Variants in BCAR3 observed in about 807,000 individuals in gnomAD.
The protein encoded by BCAR3 is BCAR3 adaptor protein, NSP family member, also known as breast cancer anti-estrogen resistance protein 3.
A neutral mutation model predicts 80.1 loss-of-function variants in BCAR3; 37 were observed. That is an observed-to-expected ratio of 0.46 (90% CI 0.36 to 0.61). The LOEUF (loss-of-function observed/expected upper bound fraction) is 0.61, where lower values mean the gene tolerates loss of function less well. Ranked by LOEUF, BCAR3 falls within the 20% of genes least tolerant of loss-of-function variation. BCAR3 has a pLI of 0.00. For synonymous variants in BCAR3, 389 were observed against 418.9 expected, an observed-to-expected ratio of 0.93 and a Z score of 0.87; for missense variants, 978 against 1,068.2, an observed-to-expected ratio of 0.92 and a Z score of 1.18.
chr1:93,715,860 T>C (rs529554696), intron 2 of BCAR3, among the ~76,000 whole-genome samples: 1 of 152,188 alleles, frequency 6.6e-6, no homozygotes, highest in Admixed American at 6.5e-5. Flanking sequence ...TTGCCCTTTT[T>C]CAATTTCTGT....
chr1:93,784,293 A>T (rs1652867884), intron 2 of BCAR3, among the ~76,000 whole-genome samples: 2 of 152,190 alleles, frequency 1.3e-5, no homozygotes, highest in African/African-American at 4.8e-5. Flanking sequence ...TCTAATGAAC[A>T]GTAAGGGAAT....
At chr1:93,737,798 G>A (rs995435173) in intron 2 of BCAR3, among the ~76,000 whole-genome samples, 5 of 152,066 alleles carry the variant, frequency 3.3e-5, no homozygotes, top group Admixed American at 1.3e-4. Context: ...TGTTTGGGTG[G>A]TCAATGATGA....
At chr1:93,766,062 G>A (rs1257208515) in intron 2 of BCAR3, among the ~76,000 whole-genome samples, 1 of 152,144 alleles carries the variant, frequency 6.6e-6, no homozygotes, top group East Asian at 1.9e-4. Context: ...CGGAAACTTT[G>A]TACCCTTTGA....
intron 2 of BCAR3, among the ~76,000 whole-genome samples, chr1:93,734,187 T>C (rs1033897382): frequency 2.0e-5 from 3 of 152,228 alleles, no homozygotes; most frequent in East Asian, 3.9e-4. Flanking sequence ...TATGCAAGAG[T>C]ACTGACATGA....
chr1:93,591,808 G>C (rs1674210387), intron 4 of BCAR3, among the ~76,000 whole-genome samples: 1 of 152,186 alleles, frequency 6.6e-6, no homozygotes, highest in Non-Finnish European at 1.5e-5. Context: ...ATAACTGCCA[G>C]CTCAATGGGG....
chr1:93,604,648 G>T (rs1031344709), intron 3 of BCAR3, among the ~76,000 whole-genome samples: 1 of 152,150 alleles, frequency 6.6e-6, no homozygotes, highest in Non-Finnish European at 1.5e-5. Flanking sequence ...CATTCTCTGG[G>T]CAAGGTCTCT....
At chr1:93,783,001 C>T (rs754804149) in intron 2 of BCAR3, among the ~76,000 whole-genome samples, 1 of 152,126 alleles carries the variant, frequency 6.6e-6, no homozygotes, top group Non-Finnish European at 1.5e-5. Context: ...ACAAAGCACA[C>T]AAATGTGCAT....
At chr1:93,687,121 C>T (rs1309813036) in intron 3 of BCAR3, among the ~76,000 whole-genome samples, 1 of 152,118 alleles carries the variant, frequency 6.6e-6, no homozygotes, top group Non-Finnish European at 1.5e-5. Flanking sequence ...TGGGGCCTGG[C>T]ACTCAGTACT....
In BCAR3 at chr1:93,584,009, G is replaced by A; in HGVS notation, c.1033+9C>T. ...CTGACGTTCTCCCTGAAAATTCCCC[G>A]AAACATACCAATCGGCAGGTAGCTC... On this transcript the variant is annotated intron_variant, in intron 6 of 11. Transcript: ENST00000260502. 2 of 1,612,974 alleles carry A rather than the reference G, an allele frequency of 1.2e-6. No homozygotes were observed. The highest frequency in any genetic ancestry group is 1.7e-6 in the Non-Finnish European group (2 of 1,179,152).
chr1:93,638,869 TGAGGA>T (rs1570995137), intron 3 of BCAR3, among the ~76,000 whole-genome samples: 1 of 152,056 alleles, frequency 6.6e-6, no homozygotes, highest in Non-Finnish European at 1.5e-5. Flanking sequence ...GAAAAAATTG[TGAGGA>T]GAGAAGGTTA....
At chr1:93,648,028 C>T (rs1270700109) in intron 2 of BCAR3, among the ~76,000 whole-genome samples, 2 of 152,158 alleles carry the variant, frequency 1.3e-5, no homozygotes, top group Admixed American at 6.5e-5. Context: ...CCCACCTCGG[C>T]CTCCCAAAGT....
chr1:93,670,195 T>C (rs1330502925), intron 2 of BCAR3, among the ~76,000 whole-genome samples: 3 of 152,214 alleles, frequency 2.0e-5, no homozygotes, highest in East Asian at 3.8e-4. Flanking sequence ...TGCAGACCTC[T>C]CAGAGAAACC....
chr1:93,629,641 G>C (rs1675549348), intron 3 of BCAR3, among the ~76,000 whole-genome samples: 1 of 152,184 alleles, frequency 6.6e-6, no homozygotes, highest in Non-Finnish European at 1.5e-5. Flanking sequence ...CTGAACTGTT[G>C]TGACACTGAT....
rs376517274 is a variant in BCAR3 at position 93,770,175 on chromosome 1, G to A, written c.-62-64033C>T. On this transcript the variant is annotated intron_variant, in intron 2 of 13. Coordinates refer to the BCAR3 transcript ENST00000370244. ...GGAGATCAATCCCAAGTCCTTGGTC[G>A]AGAAGATTTTAAGTTGAAACAGCAA... Among the ~76,000 whole-genome samples the A allele has an allele frequency of 2.8e-4, 42 of 152,268 alleles. 3 individuals carry two copies. Among genetic ancestry groups the A allele is most frequent in the Admixed American group, 1.2e-3 (19 of 15,292 alleles).
intron 5 of BCAR3, 135 bp downstream of exon 5, chr1:93,588,842 C>T (rs1181496846): frequency 3.0e-6 from 3 of 992,760 alleles, no homozygotes; most frequent in African/African-American, 1.6e-5. Flanking sequence ...TGCCTCGTGA[C>T]AGCTATTCTG....
intron 2 of BCAR3, among the ~76,000 whole-genome samples, chr1:93,650,470 G>A (rs1676288122): frequency 6.6e-6 from 1 of 152,114 alleles, no homozygotes; most frequent in African/African-American, 2.4e-5. Flanking sequence ...CAGACTACCT[G>A]GTTTCAAATA....
intron 2 of BCAR3, among the ~76,000 whole-genome samples, chr1:93,749,623 C>T (rs1320366851): frequency 6.6e-6 from 1 of 151,278 alleles, no homozygotes; most frequent in Non-Finnish European, 1.5e-5. Context: ...AATCCAATCT[C>T]TAGAAACCCA....
Position 93,801,946 on chromosome 1 carries a change from C to T in BCAR3, c.-63+43621G>A, listed in dbSNP as rs184873975. Among the ~76,000 whole-genome samples, 639 of 151,904 alleles carry T rather than the reference C, an allele frequency of 4.2e-3. 7 individuals carry two copies. The highest frequency in any genetic ancestry group is 0.015 in the African/African-American group (601 of 41,424). On this transcript the variant is annotated intron_variant, in intron 2 of 13. Coordinates refer to the BCAR3 transcript ENST00000370244. The stretch of plus-strand genomic sequence containing the variant: ...CAGCCTGGCCAATATGGTGAAACCC[C>T]GTCTCTACTAAAAATACAAAAATTA...
intron 2 of BCAR3, among the ~76,000 whole-genome samples, chr1:93,643,266 G>A (rs1392776328): frequency 6.7e-6 from 1 of 149,888 alleles, no homozygotes; most frequent in Non-Finnish European, 1.5e-5. Flanking sequence ...GCTCATGCTT[G>A]CAATCCCAGC....
Sources: allele counts gnomAD v4.1 joint callset (sites outside exome capture counted in the v4.1 genomes callset), GRCh38; gene constraint gnomAD v4.1.1; transcripts MANE v1.5; gene names NCBI Gene and HGNC (gene_info 2026-07-23, HGNC 2026-07-21).